The following CREB5 variants were observed in gnomAD, a reference collection of about 807,000 sequenced individuals.
CREB5 encodes the protein cAMP responsive element binding protein 5.
A neutral mutation model predicts 57.1 loss-of-function variants in CREB5; 19 were observed. The observed-to-expected ratio is 0.33, with a 90% confidence interval of 0.23 to 0.49. The LOEUF (loss-of-function observed/expected upper bound fraction) is 0.49, where lower values mean the gene tolerates loss of function less well. Ranked by LOEUF, CREB5 falls within the 20% of genes least tolerant of loss-of-function variation. The probability of loss-of-function intolerance (pLI) is 0.99; values close to 1 mark genes in which losing one functional copy is unlikely to be tolerated. For missense variants in CREB5, 579 were observed against 671.6 expected, an observed-to-expected ratio of 0.86 and a Z score of 1.52; for synonymous variants, 238 against 238.3, an observed-to-expected ratio of 1.00 and a Z score of 0.01.
intron 1 of CREB5, among the ~76,000 whole-genome samples, chr7:28,467,612 C>T (rs1002811029): frequency 1.3e-5 from 2 of 152,088 alleles, no homozygotes; most frequent in Non-Finnish European, 2.9e-5. Flanking sequence ...TTTAATTCTG[C>T]AAGCAGAAAG....
At chr7:28,677,198 CTTAA>C (rs1800360499) in intron 5 of CREB5, among the ~76,000 whole-genome samples, 1 of 152,194 alleles carries the variant, frequency 6.6e-6, no homozygotes, top group Non-Finnish European at 1.5e-5. Context: ...ACGTTATCAA[CTTAA>C]TTAATTTATT....
At chr7:28,370,019 T>TAGTCCCTA (rs1465274009) in intron 1 of CREB5, among the ~76,000 whole-genome samples, 1 of 152,210 alleles carries the variant, frequency 6.6e-6, no homozygotes, top group African/African-American at 2.4e-5. Flanking sequence ...GTCTGTTAGT[T>TAGTCCCTA]GTACTTATCT....
At chr7:28,582,997 G>A (rs1163206930) in intron 5 of CREB5, among the ~76,000 whole-genome samples, 2 of 152,164 alleles carry the variant, frequency 1.3e-5, no homozygotes, top group East Asian at 3.9e-4. Flanking sequence ...TTAAAATATG[G>A]GCACCTCGAA....
At chr7:28,735,277 G>A (rs1803909251) in intron 7 of CREB5, among the ~76,000 whole-genome samples, 1 of 151,922 alleles carries the variant, frequency 6.6e-6, no homozygotes, top group Non-Finnish European at 1.5e-5. Flanking sequence ...TTATTACTCT[G>A]GCTCTTTCAC....
intron 5 of CREB5, among the ~76,000 whole-genome samples, chr7:28,635,318 A>G (rs548236445): frequency 1.3e-5 from 2 of 152,320 alleles, no homozygotes; most frequent in East Asian, 1.9e-4. Flanking sequence ...TTTCTCTGCT[A>G]TATCTTACCC....
chr7:28,761,946 GATA>G (rs1022049976), intron 7 of CREB5, among the ~76,000 whole-genome samples: 6 of 147,422 alleles, frequency 4.1e-5, no homozygotes, highest in African/African-American at 1.5e-4. Context: ...GCAACATAAA[GATA>G]AAGTAGTGTG....
intron 1 of CREB5, among the ~76,000 whole-genome samples, chr7:28,353,269 G>A (rs1223943882): frequency 6.6e-6 from 1 of 152,054 alleles, no homozygotes; most frequent in Non-Finnish European, 1.5e-5. Context: ...TTTTAGTAGA[G>A]GCGGGATTGC....
intron 8 of CREB5, among the ~76,000 whole-genome samples, chr7:28,805,016 C>CTT (rs1161065839): frequency 1.3e-5 from 2 of 152,104 alleles, no homozygotes. Context: ...TGTTAAAAAT[C>CTT]TAAAGAGTAA....
Position 28,604,014 on chromosome 7 carries a change from G to T in CREB5, c.464+33477G>T, listed in dbSNP as rs913718985. Among the ~76,000 whole-genome samples the T allele has an allele frequency of 7.6e-4, 115 of 152,050 alleles. 6 individuals are homozygous for T. Among genetic ancestry groups the T allele is most frequent in the Non-Finnish European group, 5.9e-5 (4 of 68,006 alleles). On this transcript the variant is annotated intron_variant, in intron 5 of 10. Coordinates refer to ENST00000357727, the MANE Select transcript of CREB5 (RefSeq NM_182898.4). The stretch of plus-strand genomic sequence containing the variant: ...GGTGCGTAAAAGGACACCATCCTCC[G>T]CATCTGTGTGACACTTGAAAGTTTT...
intron 4 of CREB5, among the ~76,000 whole-genome samples, chr7:28,560,829 C>CGTGCAT (rs1562797035): frequency 4.6e-5 from 3 of 65,256 alleles, no homozygotes; most frequent in South Asian, 5.8e-4. Context: ...TGTGCGCGCG[C>CGTGCAT]GCGCGTGTGT....
chr7:28,418,402 G>A (rs1318234810), intron 1 of CREB5, among the ~76,000 whole-genome samples: 1 of 152,106 alleles, frequency 6.6e-6, no homozygotes, highest in Admixed American at 6.5e-5. Flanking sequence ...ACCTTCTTGT[G>A]AAGTCTACAG....
upstream of CREB5, chr7:28,410,346 T>C (rs12538330): frequency 0.23 from 107,225 of 456,510 alleles, 13,713 homozygotes; most frequent in Non-Finnish European, 0.28. Context: ...CGGCTCGAGC[T>C]TTGGCGGCGC....
chr7:28,724,612 C>T (rs1009711094), intron 7 of CREB5: 28 of 318,452 alleles, frequency 8.8e-5, no homozygotes, highest in African/African-American at 4.3e-4. Context: ...TATACCCAAG[C>T]GTGTATATAT....
intron 1 of CREB5, among the ~76,000 whole-genome samples, chr7:28,394,106 A>AAAAAAG (rs1787289337): frequency 7.3e-5 from 10 of 136,796 alleles, no homozygotes; most frequent in African/African-American, 1.1e-4. Context: ...AAAAAAAAAA[A>AAAAAAG]GTGGACTTGG....
intron 7 of CREB5, among the ~76,000 whole-genome samples, chr7:28,767,512 A>C (rs1018298941): frequency 3.3e-5 from 5 of 152,196 alleles, no homozygotes; most frequent in Admixed American, 2.0e-4. Context: ...GATGTTGCAA[A>C]ATAACCATTC....
At chr7:28,658,962 T>TATATATAC (rs1799460172) in intron 5 of CREB5, among the ~76,000 whole-genome samples, 1 of 137,766 alleles carries the variant, frequency 7.3e-6, no homozygotes, top group East Asian at 2.1e-4. Context: ...TGTATATATA[T>TATATATAC]ATATATATAT....
At chr7:28,781,194 G>A (rs955345728) in intron 7 of CREB5, among the ~76,000 whole-genome samples, 3 of 152,126 alleles carry the variant, frequency 2.0e-5, no homozygotes, top group African/African-American at 7.2e-5. Context: ...AAGCCATTTG[G>A]ACAGATCTGT....
At chr7:28,635,164 G>A (rs1350774291) in intron 5 of CREB5, among the ~76,000 whole-genome samples, 2 of 152,194 alleles carry the variant, frequency 1.3e-5, no homozygotes, top group Non-Finnish European at 2.9e-5. Flanking sequence ...AGCTACTATA[G>A]TACATGAAGG....
intron 5 of CREB5, among the ~76,000 whole-genome samples, chr7:28,689,332 A>G (rs1369503995): frequency 6.6e-6 from 1 of 152,076 alleles, no homozygotes; most frequent in Non-Finnish European, 1.5e-5. Flanking sequence ...GCCAGGAGTG[A>G]TGGCGGACAC....
Sources: gnomAD v4.1 joint callset for allele counts (sites outside exome capture counted in the v4.1 genomes callset) on GRCh38, gnomAD v4.1.1 for gene constraint, MANE v1.5 for transcripts, NCBI Gene and HGNC (gene_info 2026-07-23, HGNC 2026-07-21) for gene names.